Variants in DIAPH2 observed in about 807,000 individuals in gnomAD.
DIAPH2 encodes the protein protein diaphanous homolog 2.
A neutral mutation model predicts 92.7 loss-of-function variants in DIAPH2; 35 were observed. The ratio of observed to expected loss-of-function variants is 0.38; its 90% CI spans 0.29 to 0.50. The LOEUF is 0.50. Among genes scored for constraint, DIAPH2 ranks in the 20% least tolerant of loss-of-function variants. The probability of loss-of-function intolerance (pLI) is 0.94; values close to 1 mark genes in which losing one functional copy is unlikely to be tolerated. For missense variants in DIAPH2, 701 were observed against 819.5 expected, an observed-to-expected ratio of 0.86 and a Z score of 1.77; for synonymous variants, 301 against 280.4, an observed-to-expected ratio of 1.07 and a Z score of -0.73.
At chrX:96,712,300 T>A in intron 1 of DIAPH2, among the ~76,000 whole-genome samples, 1 of 111,212 alleles carries the variant, frequency 9.0e-6, no homozygotes, top group Middle Eastern at 4.7e-3. Context: ...TTTTTCATCC[T>A]TTTTTTTCTA....
At chrX:96,763,898 A>T (rs2064284761) in intron 4 of DIAPH2, among the ~76,000 whole-genome samples, 2 of 110,370 alleles carry the variant, frequency 1.8e-5, no homozygotes, top group African/African-American at 6.6e-5. Flanking sequence ...GTACTGAGGT[A>T]TCTAGAATAG....
At chrX:97,558,755 C>A in intron 26 of DIAPH2, among the ~76,000 whole-genome samples, 1 of 111,583 alleles carries the variant, frequency 9.0e-6, no homozygotes, top group Admixed American at 9.5e-5. Flanking sequence ...AGTGATATTT[C>A]TTTCAAATAA....
chrX:96,790,227 G>A (rs755538878), intron 4 of DIAPH2, among the ~76,000 whole-genome samples: 11 of 109,582 alleles, frequency 1.0e-4, no homozygotes, highest in Admixed American at 8.8e-4. Flanking sequence ...GTGCCACCAC[G>A]CCCAGCTAAT....
At chrX:97,055,182 G>T (rs777927301) in intron 17 of DIAPH2, among the ~76,000 whole-genome samples, 1 of 107,972 alleles carries the variant, frequency 9.3e-6, no homozygotes, top group South Asian at 4.1e-4. Flanking sequence ...CTCCCAAAGC[G>T]CTGGGATTAC....
intron 17 of DIAPH2, among the ~76,000 whole-genome samples, chrX:96,977,756 T>G (rs1211816367): frequency 9.0e-6 from 1 of 110,662 alleles, no homozygotes; most frequent in African/African-American, 3.3e-5. Context: ...TAATCTTGGC[T>G]CAGTGCAACC....
intron 25 of DIAPH2, among the ~76,000 whole-genome samples, chrX:97,428,444 G>T (rs775132666): frequency 7.4e-5 from 8 of 107,913 alleles, no homozygotes; most frequent in African/African-American, 2.4e-4. Context: ...CAGGAGAATC[G>T]CTTGAACCCC....
chrX:97,271,019 T>C, intron 23 of DIAPH2, among the ~76,000 whole-genome samples: 1 of 111,249 alleles, frequency 9.0e-6, no homozygotes, highest in Non-Finnish European at 1.9e-5. Context: ...CACTAAGCTA[T>C]TCCACTGCTA....
At chrX:97,471,481 A>G (rs1408132085) in intron 26 of DIAPH2, among the ~76,000 whole-genome samples, 2 of 110,403 alleles carry the variant, frequency 1.8e-5, no homozygotes, top group Non-Finnish European at 3.8e-5. Flanking sequence ...ACCTGAGGTC[A>G]GGAGTTCAAG....
chrX:97,039,773 C>T (rs770044866), intron 17 of DIAPH2, among the ~76,000 whole-genome samples: 10 of 111,192 alleles, frequency 9.0e-5, no homozygotes, highest in East Asian at 2.8e-4. Flanking sequence ...TAAAGCAATA[C>T]GTGGAAGGTA....
chrX:97,517,116 G>A (rs1158692385), intron 26 of DIAPH2, among the ~76,000 whole-genome samples: 1 of 111,184 alleles, frequency 9.0e-6, no homozygotes, highest in Non-Finnish European at 1.9e-5. Flanking sequence ...GGTTTTTTTC[G>A]AGTTAATTTT....
intron 24 of DIAPH2, among the ~76,000 whole-genome samples, chrX:97,354,872 C>A (rs1368744563): frequency 8.9e-6 from 1 of 112,241 alleles, no homozygotes; most frequent in South Asian, 3.7e-4. Context: ...GGAACTGTGT[C>A]TCTCAGAACA....
At chrX:97,207,806 A>G (rs1055405322) in intron 22 of DIAPH2, among the ~76,000 whole-genome samples, 7 of 111,705 alleles carry the variant, frequency 6.3e-5, no homozygotes, top group African/African-American at 2.3e-4. Flanking sequence ...ATGATGATTG[A>G]TTTTTGTACT....
At chrX:97,571,920 T>C (rs192473736) in intron 26 of DIAPH2, among the ~76,000 whole-genome samples, 3 of 111,931 alleles carry the variant, frequency 2.7e-5, no homozygotes, top group Non-Finnish European at 5.6e-5. Flanking sequence ...AAAGAATCAT[T>C]GTTGACTCCT....
chrX:96,957,687 GAT>G, intron 15 of DIAPH2, 139 bp from the exon 16 acceptor site: 4 of 489,943 alleles, frequency 8.2e-6, no homozygotes, highest in South Asian at 7.9e-5. Flanking sequence ...TAAATATTTA[GAT>G]ATTTTAGTAA....
At chrX:97,488,807 A>G (rs767996139) in intron 26 of DIAPH2, among the ~76,000 whole-genome samples, 3 of 111,912 alleles carry the variant, frequency 2.7e-5, no homozygotes, top group Non-Finnish European at 5.6e-5. Context: ...CTTGGTCTAC[A>G]TGTCTGTTTT....
chrX:96,889,439 A>G (rs988351616), intron 5 of DIAPH2, among the ~76,000 whole-genome samples: 6 of 112,108 alleles, frequency 5.4e-5, no homozygotes, highest in African/African-American at 1.6e-4. Context: ...CCAATTTGCC[A>G]TCATGTGATA....
chrX:96,944,830 A>G (rs939150096), intron 13 of DIAPH2, among the ~76,000 whole-genome samples: 4 of 111,394 alleles, frequency 3.6e-5, no homozygotes, highest in African/African-American at 1.3e-4. Context: ...TACTATAAAT[A>G]AAACTGCTGT....
chrX:96,894,974 A>ATTT (rs766131166), intron 5 of DIAPH2, among the ~76,000 whole-genome samples: 2 of 59,531 alleles, frequency 3.4e-5, no homozygotes, highest in African/African-American at 1.2e-4. Flanking sequence ...GTTTTTCTTA[A>ATTT]TTTTTTTTTT....
intron 26 of DIAPH2, among the ~76,000 whole-genome samples, chrX:97,487,324 G>T (rs2070695756): frequency 9.0e-6 from 1 of 111,070 alleles, no homozygotes; most frequent in Non-Finnish European, 1.9e-5. Context: ...ACCCATGCTG[G>T]AGTGCAGTGG....
Sources: gnomAD v4.1 joint callset for allele counts (sites outside exome capture counted in the v4.1 genomes callset) on GRCh38, gnomAD v4.1.1 for gene constraint, MANE v1.5 for transcripts, NCBI Gene and HGNC (gene_info 2026-07-23, HGNC 2026-07-21) for gene names.